The following TRIM5 variants were observed in gnomAD, a reference collection of about 807,000 sequenced individuals.
The protein encoded by TRIM5 is tripartite motif containing 5.
Under a neutral mutation model 35.6 loss-of-function variants are expected in TRIM5, and 31 were observed. The observed-to-expected ratio is 0.87, with a 90% CI of 0.65 to 1.18. TRIM5 has a LOEUF of 1.18. Ranked by LOEUF, TRIM5 falls within the 50% of genes most tolerant of loss-of-function variation. TRIM5 has a pLI of 0.00. For missense variants in TRIM5, 609 were observed against 591.6 expected (o/e 1.03, Z -0.31); for synonymous variants, 243 against 215.6 (o/e 1.13, Z -1.11).
chr11:5,634,815 C>A, the TRIM5 span: 1 of 1,613,628 alleles, frequency 6.2e-7, no homozygotes, highest in South Asian at 1.1e-5. Context: ...GAGCTCATCT[C>A]AGATGTGGAG....
the TRIM5 span, chr11:5,643,114 C>CATATATAT: frequency 4.6e-3 from 2,253 of 489,456 alleles, 2 homozygotes; most frequent in Non-Finnish European, 5.0e-3. Context: ...TATTCATATA[C>CATATATAT]ATATATATAT....
At chr11:5,626,510 T>G in the TRIM5 span, 1 of 152,172 alleles carries the variant, frequency 6.6e-6, no homozygotes, top group African/African-American at 2.4e-5. Flanking sequence ...ATTAAAGGCT[T>G]TAATGGTTTT....
chr11:5,619,687 A>AT, the TRIM5 span: 1 of 99,444 alleles, frequency 1.0e-5, no homozygotes, highest in East Asian at 2.8e-4. Context: ...TCCTGTTTTA[A>AT]ATTTTTTTTT....
chr11:5,658,777 G>A (rs996241140), downstream of TRIM5, among the ~76,000 whole-genome samples: 24 of 152,270 alleles, frequency 1.6e-4, no homozygotes, highest in African/African-American at 4.1e-4. Context: ...TAATGGGATC[G>A]CTGGGTCAAA....
the TRIM5 span, among the ~76,000 whole-genome samples, chr11:5,592,931 GAA>G: frequency 1.8e-5 from 2 of 112,456 alleles, no homozygotes; most frequent in African/African-American, 8.0e-5. Context: ...AAAAAAAAAA[GAA>G]AAAAGAAAAA....
chr11:5,651,862 T>C, the TRIM5 span, among the ~76,000 whole-genome samples: 13 of 152,206 alleles, frequency 8.5e-5, no homozygotes, highest in African/African-American at 1.9e-4. Flanking sequence ...TGGTATCTCA[T>C]TGTGGTTTTG....
the TRIM5 span, chr11:5,605,624 C>G: frequency 6.5e-7 from 1 of 1,535,558 alleles, no homozygotes. Context: ...AACTAACTTT[C>G]CTTCCTTTCT....
chr11:5,632,734 G>T, the TRIM5 span: 2 of 1,606,324 alleles, frequency 1.2e-6, no homozygotes, highest in South Asian at 2.2e-5. Context: ...CCTCACGGAG[G>T]AAGTATTCAA....
chr11:5,655,815 C>G, the TRIM5 span: 1 of 409,360 alleles, frequency 2.4e-6, no homozygotes, highest in Non-Finnish European at 3.3e-6. Context: ...TTCCATTGGT[C>G]TATAAATCTA....
At chr11:5,648,429 C>T in the TRIM5 span, among the ~76,000 whole-genome samples, 5 of 114,536 alleles carry the variant, frequency 4.4e-5, no homozygotes, top group African/African-American at 1.6e-4. Context: ...TGGCGTGAAC[C>T]TGGGAGGTGG....
the TRIM5 span, chr11:5,634,970 G>A: frequency 3.3e-5 from 39 of 1,184,410 alleles, no homozygotes; most frequent in East Asian, 5.2e-5. Context: ...TTGCAGTGCC[G>A]CCTTGTCGTC....
chr11:5,654,254 A>G, the TRIM5 span, among the ~76,000 whole-genome samples: 1 of 152,140 alleles, frequency 6.6e-6, no homozygotes, highest in Non-Finnish European at 1.5e-5. Context: ...TTACATTGAT[A>G]TCTACACATC....
At chr11:5,683,611 G>C (rs569561661) in intron 1 of TRIM5, among the ~76,000 whole-genome samples, 4 of 150,420 alleles carry the variant, frequency 2.7e-5, no homozygotes, top group Admixed American at 6.6e-5. Context: ...TGTCTAGCTC[G>C]GGGTTTGTGA....
chr11:5,620,871 A>G, the TRIM5 span, among the ~76,000 whole-genome samples: 2 of 152,362 alleles, frequency 1.3e-5, no homozygotes, highest in East Asian at 3.9e-4. Context: ...CAGTGTTCAC[A>G]TAGTATATAT....
the TRIM5 span, chr11:5,632,635 G>A: frequency 5.0e-6 from 8 of 1,613,008 alleles, no homozygotes; most frequent in African/African-American, 9.4e-5. Context: ...TCATCATGGA[G>A]AGAAACTCCT....
chr11:5,649,181 G>GTCTA, the TRIM5 span, among the ~76,000 whole-genome samples: 3 of 152,180 alleles, frequency 2.0e-5, no homozygotes, highest in Non-Finnish European at 4.4e-5. Context: ...AATTCAGGAT[G>GTCTA]TCTATTATGT....
At chr11:5,632,890 G>C in the TRIM5 span, 4 of 1,211,178 alleles carry the variant, frequency 3.3e-6, no homozygotes, top group Non-Finnish European at 4.3e-6. Context: ...GCAGTGGCGT[G>C]CTCTCGGCTC....
Position 5,664,793 on chromosome 11 carries a change from G to A in TRIM5, c.*16C>T, listed in dbSNP as rs772700323. On this transcript the variant is annotated 3_prime_UTR_variant, in exon 8 of 8. Coordinates refer to ENST00000380034, the MANE Select transcript of TRIM5 (RefSeq NM_033034.3). ...CAAGAGGTGCTGTACAGAAGGGGCTGAGTGTGTAAGAAGGTTCAAGAGCTT... is the reference window on the plus strand; with the variant it reads ...CAAGAGGTGCTGTACAGAAGGGGCTAAGTGTGTAAGAAGGTTCAAGAGCTT... The A allele has an allele frequency of 2.6e-5, 40 of 1,567,466 alleles. No individual in the cohort carries two copies. Among genetic ancestry groups the A allele is most frequent in the Non-Finnish European group, 3.4e-5 (40 of 1,161,310 alleles).
At chr11:5,605,412 C>T in the TRIM5 span, 1 of 1,614,150 alleles carries the variant, frequency 6.2e-7, no homozygotes. Flanking sequence ...CAGAGTGGAG[C>T]AACGGGAGCT....
Sources: allele counts gnomAD v4.1 joint callset (sites outside exome capture counted in the v4.1 genomes callset), GRCh38; gene constraint gnomAD v4.1.1; transcripts MANE v1.5; gene names NCBI Gene and HGNC (gene_info 2026-07-23, HGNC 2026-07-21).